FHIT: variants seen among roughly 807,000 people sequenced by gnomAD.
FHIT encodes the protein bis(5'-adenosyl)-triphosphatase.
Under a neutral mutation model 17.9 loss-of-function variants are expected in FHIT, and 19 were observed. That is an observed-to-expected ratio of 1.06 (90% CI 0.74 to 1.56). The LOEUF is 1.56. Ranked by LOEUF, FHIT falls within the 40% of genes most tolerant of loss-of-function variation. FHIT has a pLI of 0.00. For synonymous variants in FHIT, 81 were observed against 69.7 expected, an observed-to-expected ratio of 1.16 and a Z score of -0.81; for missense variants, 248 against 189.2, an observed-to-expected ratio of 1.31 and a Z score of -1.82.
At chr3:60,568,521 T>C (rs888297524) in intron 4 of FHIT, among the ~76,000 whole-genome samples, 6 of 152,174 alleles carry the variant, frequency 3.9e-5, no homozygotes, top group Admixed American at 2.0e-4. Context: ...CACGAGTTGA[T>C]GGGTGCAGCA....
At chr3:60,013,886 G>T in intron 6 of FHIT, 121 bp downstream of exon 6, 3 of 1,017,304 alleles carry the variant, frequency 2.9e-6, no homozygotes, top group South Asian at 3.1e-5. Flanking sequence ...CTCTTTTTTT[G>T]GCTGCTACCT....
At chr3:60,689,532 C>T (rs2040939541) in intron 4 of FHIT, among the ~76,000 whole-genome samples, 1 of 152,100 alleles carries the variant, frequency 6.6e-6, no homozygotes, top group Admixed American at 6.6e-5. Flanking sequence ...TATCTGGAAG[C>T]AATCCTTCAC....
chr3:60,717,657 G>A (rs540660419), intron 4 of FHIT, among the ~76,000 whole-genome samples: 1 of 152,296 alleles, frequency 6.6e-6, no homozygotes, highest in South Asian at 2.1e-4. Context: ...CTTGGTTATA[G>A]TAGAACTTTA....
chr3:60,374,594 A>G (rs1242778330), intron 5 of FHIT, among the ~76,000 whole-genome samples: 1 of 150,402 alleles, frequency 6.6e-6, no homozygotes, highest in Non-Finnish European at 1.5e-5. Flanking sequence ...GCACACACAC[A>G]TACTAGATTA....
chr3:60,474,024 T>C (rs1464191681), intron 5 of FHIT, among the ~76,000 whole-genome samples: 1 of 152,094 alleles, frequency 6.6e-6, no homozygotes, highest in Non-Finnish European at 1.5e-5. Context: ...AAGAACCTCA[T>C]ACTCAGAACT....
At chr3:60,558,891 C>T (rs2036835521) in intron 4 of FHIT, among the ~76,000 whole-genome samples, 1 of 152,122 alleles carries the variant, frequency 6.6e-6, no homozygotes, top group African/African-American at 2.4e-5. Flanking sequence ...TCATGGCAGC[C>T]CTGAGATGGT....
At chr3:60,898,789 T>C (rs1456622809) in intron 3 of FHIT, among the ~76,000 whole-genome samples, 1 of 152,184 alleles carries the variant, frequency 6.6e-6, no homozygotes, top group Non-Finnish European at 1.5e-5. Flanking sequence ...CGAGTTTGGT[T>C]CTGGTTATAA....
intron 5 of FHIT, among the ~76,000 whole-genome samples, chr3:60,273,475 T>C (rs1174991725): frequency 4.0e-5 from 6 of 151,818 alleles, no homozygotes; most frequent in Non-Finnish European, 8.8e-5. Context: ...CCAGGGGTGG[T>C]GGCGGGTGCC....
At chr3:60,335,676 A>T (rs1228464698) in intron 5 of FHIT, among the ~76,000 whole-genome samples, 1 of 152,222 alleles carries the variant, frequency 6.6e-6, no homozygotes, top group East Asian at 1.9e-4. Flanking sequence ...ACACACACAC[A>T]CAAAAAAGTA....
intron 3 of FHIT, among the ~76,000 whole-genome samples, chr3:61,016,736 C>G (rs2032129367): frequency 6.6e-6 from 1 of 152,220 alleles, no homozygotes; most frequent in Non-Finnish European, 1.5e-5. Flanking sequence ...ATAAATTTGG[C>G]TCCCCAGAGC....
At chr3:60,281,753 T>C (rs1005164388) in intron 5 of FHIT, among the ~76,000 whole-genome samples, 1 of 151,198 alleles carries the variant, frequency 6.6e-6, no homozygotes, top group African/African-American at 2.4e-5. Flanking sequence ...CAGGGAAAAA[T>C]ACTAGATTTG....
chr3:61,139,825 G>C (rs147094782), intron 2 of FHIT, among the ~76,000 whole-genome samples: 83 of 152,166 alleles, frequency 5.5e-4, no homozygotes, highest in African/African-American at 1.9e-3. Context: ...AATTTGAATA[G>C]CAAGAGCGGT....
At chr3:60,150,930 A>AT in intron 5 of FHIT, among the ~76,000 whole-genome samples, 1 of 152,236 alleles carries the variant, frequency 6.6e-6, no homozygotes, top group African/African-American at 2.4e-5. Context: ...AAAAAAAAAA[A>AT]AGGATTTAAT....
intron 4 of FHIT, among the ~76,000 whole-genome samples, chr3:60,757,716 A>T (rs2108046111): frequency 6.6e-6 from 1 of 152,296 alleles, no homozygotes; most frequent in Middle Eastern, 3.4e-3. Context: ...CTGGTATACC[A>T]CTAGAGTGCG....
chr3:60,008,392 A>T (rs1337121679), intron 7 of FHIT, among the ~76,000 whole-genome samples: 1 of 152,128 alleles, frequency 6.6e-6, no homozygotes, highest in Non-Finnish European at 1.5e-5. Flanking sequence ...TTACTTTGAT[A>T]TTTCCCTTTC....
intron 5 of FHIT, among the ~76,000 whole-genome samples, chr3:60,433,760 C>A (rs1338732873): frequency 2.0e-5 from 3 of 152,044 alleles, no homozygotes; most frequent in Non-Finnish European, 4.4e-5. Context: ...CATTTTGTAA[C>A]CAAGTTGAGT....
At position 60,240,175 on chromosome 3, in the gene FHIT, T is replaced by C. The variant is rs552737397; in HGVS notation, c.104-226023A>G. Among the ~76,000 whole-genome samples, 49 of 152,286 alleles carry C rather than the reference T, an allele frequency of 3.2e-4. 1 individual carries two copies. The South Asian group carries it at 0.01, about 32-fold the overall frequency. On this transcript the variant is annotated intron_variant, in intron 5 of 9. Transcript: ENST00000492590. ...GCAGGACAGAGACAGCTACAGTTAC[T>C]GGAAACTATAAAATGGGTTCCAGTC... is the stretch of plus-strand genomic sequence containing the variant.
intron 7 of FHIT, among the ~76,000 whole-genome samples, chr3:59,988,194 A>G (rs959967523): frequency 1.3e-5 from 2 of 152,118 alleles, no homozygotes; most frequent in Non-Finnish European, 2.9e-5. Flanking sequence ...ACTGCAGGTC[A>G]CCTTCAGTGC....
chr3:60,129,049 G>GTTGTTTTTTTTTTT (rs759645654), intron 5 of FHIT, among the ~76,000 whole-genome samples: 6 of 121,038 alleles, frequency 5.0e-5, no homozygotes, highest in South Asian at 2.6e-4. Context: ...TTCCTTTTTT[G>GTTGTTTTTTTTTTT]TTTGTTTTTT....
Sources: allele counts gnomAD v4.1 joint callset (sites outside exome capture counted in the v4.1 genomes callset), GRCh38; gene constraint gnomAD v4.1.1; transcripts MANE v1.5; gene names NCBI Gene and HGNC (gene_info 2026-07-23, HGNC 2026-07-21).